The following FAR2 variants were observed in gnomAD, a reference collection of about 807,000 sequenced individuals.
The protein encoded by FAR2 is epididymis secretory protein Li 81.
FAR2 carries 19 observed loss-of-function variants against 56.0 expected under a neutral mutation model. The ratio of observed to expected loss-of-function variants is 0.34; its 90% CI spans 0.24 to 0.50. The LOEUF is 0.50. Among genes scored for constraint, FAR2 ranks in the 20% least tolerant of loss-of-function variants. FAR2 has a pLI of 0.98. For missense variants in FAR2, 508 were observed against 642.2 expected, an observed-to-expected ratio of 0.79 and a Z score of 2.26; for synonymous variants, 219 against 218.8, an observed-to-expected ratio of 1.00 and a Z score of -0.01.
chr12:29,186,822 T>A (rs1164137818), intron 1 of FAR2, among the ~76,000 whole-genome samples: 1 of 152,002 alleles, frequency 6.6e-6, no homozygotes, highest in Non-Finnish European at 1.5e-5. Flanking sequence ...GGAGTCTCGC[T>A]CTGTCGCCCA....
chr12:29,299,213 CAAAAAAAAAAAAA>C (rs71042981), intron 4 of FAR2, among the ~76,000 whole-genome samples: 1 of 103,572 alleles, frequency 9.7e-6, no homozygotes, highest in Non-Finnish European at 1.9e-5. Flanking sequence ...AACTTTGTCT[CAAAAAAAAAAAAA>C]AAAAAAAAAG....
intron 2 of FAR2, among the ~76,000 whole-genome samples, chr12:29,271,023 A>G (rs1187137151): frequency 1.3e-5 from 2 of 152,174 alleles, no homozygotes; most frequent in East Asian, 3.8e-4. Flanking sequence ...ATTCTGTTCT[A>G]TTCTATTGCT....
chr12:29,152,155 T>G (rs1949686331), intron 1 of FAR2, among the ~76,000 whole-genome samples: 1 of 152,260 alleles, frequency 6.6e-6, no homozygotes, highest in Non-Finnish European at 1.5e-5. Context: ...AGTTATTGAA[T>G]TAAATTAATG....
At position 29,287,349 on chromosome 12, in the gene FAR2, C is replaced by T. The variant is rs184988478; in HGVS notation, c.190-5951C>T. ...AAACGTCTAGATTAATCCTTTACATCTTATGAGAGTTACTAGTGAACTAGC... is the reference window on the plus strand; with the variant it reads ...AAACGTCTAGATTAATCCTTTACATTTTATGAGAGTTACTAGTGAACTAGC... On this transcript the variant is annotated intron_variant, in intron 2 of 11. Transcript: ENST00000536681. Among the ~76,000 whole-genome samples, 459 of 152,286 alleles carry T rather than the reference C, an allele frequency of 3.0e-3. 2 individuals are homozygous for T. The highest frequency in any genetic ancestry group is 5.1e-3 in the Non-Finnish European group (347 of 68,010).
chr12:29,325,489 CAT>C (rs1293187782), intron 10 of FAR2, among the ~76,000 whole-genome samples: 1 of 152,146 alleles, frequency 6.6e-6, no homozygotes, highest in Non-Finnish European at 1.5e-5. Context: ...AAATTGACCA[CAT>C]AGTTGGAAGT....
chr12:29,162,797 T>C (rs1304192740), intron 1 of FAR2, among the ~76,000 whole-genome samples: 1 of 152,160 alleles, frequency 6.6e-6, no homozygotes, highest in Non-Finnish European at 1.5e-5. Flanking sequence ...TTCCCCCAAC[T>C]CTCATCAAGG....
At chr12:29,200,136 T>C (rs186732542) in intron 1 of FAR2, among the ~76,000 whole-genome samples, 119 of 152,282 alleles carry the variant, frequency 7.8e-4, no homozygotes, top group African/African-American at 2.7e-3. Context: ...AGGACCAAAC[T>C]GGGGGACTTC....
Position 29,216,993 on chromosome 12 carries a change from C to T in FAR2, c.-38-53419C>T, listed in dbSNP as rs117908261. Among the ~76,000 whole-genome samples, 498 of 152,206 alleles carry T rather than the reference C, an allele frequency of 3.3e-3. 3 individuals carry two copies. Among genetic ancestry groups the T allele is most frequent in the Middle Eastern group, 0.01 (3 of 294 alleles). The stretch of plus-strand genomic sequence containing the variant: ...CCGTCATAAGGTAAGGCTCTCTAAT[C>T]GCTGGCATTTAAAGACTAAAAGAAA... On this transcript the variant is annotated intron_variant, in intron 1 of 11. Transcript: ENST00000536681.
At chr12:29,321,759 G>A (rs1298535869) in intron 9 of FAR2, 36 bp from the exon 10 acceptor site, 1 of 1,606,716 alleles carries the variant, frequency 6.2e-7, no homozygotes, top group Non-Finnish European at 8.5e-7. Flanking sequence ...GGGAAGTGGT[G>A]CGCTGATATT....
chr12:29,288,716 G>A (rs765020878), intron 2 of FAR2, among the ~76,000 whole-genome samples: 4 of 152,104 alleles, frequency 2.6e-5, no homozygotes, highest in African/African-American at 4.8e-5. Flanking sequence ...TTGTGTCCTC[G>A]TTTAGCAGTC....
rs3764951 is a variant in FAR2, at chr12:29,308,982, A to T, written c.724-204A>T. Among the ~76,000 whole-genome samples, 4,804 of 152,136 alleles carry T rather than the reference A, an allele frequency of 0.032. 103 individuals are homozygous for T. The highest frequency in any genetic ancestry group is 0.07 in the South Asian group (338 of 4,824). On this transcript the variant is annotated intron_variant, in intron 5 of 11. Coordinates refer to ENST00000536681, the MANE Select transcript of FAR2 (RefSeq NM_001271783.2). ...GAAAAACAATCCTGGCAAAATTCTA[A>T]TTTTTGCACAGTCAAATAAAGTACA...
At chr12:29,309,270 TAGAG>T (rs1565517718) in intron 6 of FAR2, 40 bp downstream of exon 6, 17 of 1,470,142 alleles carry the variant, frequency 1.2e-5, no homozygotes, top group Non-Finnish European at 1.4e-5. Context: ...TGAAATGTAG[TAGAG>T]AAATAGTAAC....
At chr12:29,253,908 T>C (rs1327912947) in intron 1 of FAR2, among the ~76,000 whole-genome samples, 2 of 152,214 alleles carry the variant, frequency 1.3e-5, no homozygotes, top group East Asian at 3.9e-4. Context: ...TATATTGAAA[T>C]GGTGGATTTA....
intron 1 of FAR2, among the ~76,000 whole-genome samples, chr12:29,205,772 C>T (rs767348539): frequency 1.3e-5 from 2 of 152,048 alleles, no homozygotes; most frequent in Non-Finnish European, 2.9e-5. Flanking sequence ...CTATGTCACA[C>T]AGCTGAATGT....
At chr12:29,155,068 T>C in intron 1 of FAR2, among the ~76,000 whole-genome samples, 1 of 152,228 alleles carries the variant, frequency 6.6e-6, no homozygotes, top group East Asian at 1.9e-4. Context: ...GTGGATGATA[T>C]TCAGAAACAG....
At chr12:29,246,873 A>G (rs927344002) in intron 1 of FAR2, among the ~76,000 whole-genome samples, 3 of 152,078 alleles carry the variant, frequency 2.0e-5, no homozygotes, top group African/African-American at 7.2e-5. Flanking sequence ...TTGTTCTTCT[A>G]ACATGGAACA....
chr12:29,197,813 G>A lies in FAR2; in HGVS notation c.-39+48406G>A, dbSNP rs372048282. On this transcript the variant is annotated intron_variant, in intron 1 of 11. Coordinates refer to ENST00000536681, the MANE Select transcript of FAR2 (RefSeq NM_001271783.2). ...TTAAGAAATGAAGTATTGTATCAGA[G>A]GCTCTGTTGATCATGGCTATCAAGC... Among the ~76,000 whole-genome samples the A allele has an allele frequency of 4.6e-5, 7 of 152,226 alleles. No individual in the cohort carries two copies. The East Asian group carries it at 1.4e-3, about 29-fold the overall frequency.
intron 1 of FAR2, among the ~76,000 whole-genome samples, chr12:29,174,120 G>C (rs999618764): frequency 6.6e-6 from 1 of 152,172 alleles, no homozygotes; most frequent in Non-Finnish European, 1.5e-5. Context: ...GTGATCTCCA[G>C]GGTTGGAGGA....
At chr12:29,187,127 C>T (rs953290572) in intron 1 of FAR2, among the ~76,000 whole-genome samples, 5 of 152,228 alleles carry the variant, frequency 3.3e-5, no homozygotes, top group Non-Finnish European at 7.4e-5. Flanking sequence ...GTAGTATTTG[C>T]GTAATTTTTC....
Sources: allele counts gnomAD v4.1 joint callset (sites outside exome capture counted in the v4.1 genomes callset), GRCh38; gene constraint gnomAD v4.1.1; transcripts MANE v1.5; gene names NCBI Gene and HGNC (gene_info 2026-07-23, HGNC 2026-07-21).